Variants in ASIC2 observed in about 807,000 individuals in gnomAD.
The protein encoded by ASIC2 is acid sensing ion channel subunit 2.
Under a neutral mutation model 57.3 loss-of-function variants are expected in ASIC2, and 25 were observed. The observed-to-expected ratio is 0.44, with a 90% confidence interval of 0.32 to 0.61. The LOEUF (loss-of-function observed/expected upper bound fraction) is 0.61. Ranked by LOEUF, ASIC2 falls within the 20% of genes least tolerant of loss-of-function variation. ASIC2 has a pLI of 0.06. For synonymous variants in ASIC2, 319 were observed against 307.5 expected, an observed-to-expected ratio of 1.04 and a Z score of -0.39; for missense variants, 641 against 738.1, an observed-to-expected ratio of 0.87 and a Z score of 1.52.
chr17:33,603,359 A>G (rs1051175297), intron 1 of ASIC2, among the ~76,000 whole-genome samples: 2 of 152,216 alleles, frequency 1.3e-5, no homozygotes, highest in Non-Finnish European at 2.9e-5. Flanking sequence ...ACTGCTTGGA[A>G]GGAGCATGAT....
intron 1 of ASIC2, among the ~76,000 whole-genome samples, chr17:33,970,121 T>C (rs1905186257): frequency 6.6e-6 from 1 of 152,170 alleles, no homozygotes; most frequent in Non-Finnish European, 1.5e-5. Flanking sequence ...TTCTTTGTTG[T>C]AGGGAGCTGC....
intron 2 of ASIC2, among the ~76,000 whole-genome samples, chr17:33,102,818 C>G (rs1567745407): frequency 6.6e-6 from 1 of 152,204 alleles, no homozygotes; most frequent in Non-Finnish European, 1.5e-5. Flanking sequence ...GAGTCTCGCT[C>G]TGTCGCCCAG....
intron 1 of ASIC2, among the ~76,000 whole-genome samples, chr17:33,207,084 C>G (rs1907089156): frequency 6.6e-6 from 1 of 152,180 alleles, no homozygotes; most frequent in South Asian, 2.1e-4. Context: ...TTAAATGCAA[C>G]CAGGATTTAC....
intron 1 of ASIC2, among the ~76,000 whole-genome samples, chr17:33,682,057 C>T (rs1206270779): frequency 1.0e-5 from 1 of 99,372 alleles, no homozygotes; most frequent in Non-Finnish European, 1.9e-5. Context: ...GCATCAGTGA[C>T]ATCTTTTTTT....
chr17:33,924,574 C>T (rs1015365748), intron 1 of ASIC2, among the ~76,000 whole-genome samples: 4 of 152,202 alleles, frequency 2.6e-5, no homozygotes, highest in East Asian at 1.9e-4. Flanking sequence ...TCTATTTCCC[C>T]GTAGATATCT....
chr17:33,115,757 G>A (rs768572581), intron 1 of ASIC2, among the ~76,000 whole-genome samples: 2 of 152,192 alleles, frequency 1.3e-5, no homozygotes, highest in Non-Finnish European at 2.9e-5. Flanking sequence ...TAACTGGATG[G>A]TTATTTACAT....
At chr17:33,827,502 T>C (rs916445100) in intron 1 of ASIC2, among the ~76,000 whole-genome samples, 1 of 50,932 alleles carries the variant, frequency 2.0e-5, no homozygotes, top group South Asian at 3.2e-4. Flanking sequence ...TGGCTATTTT[T>C]TGTCTTTTTT....
chr17:33,523,850 C>T (rs1360674139), intron 1 of ASIC2, among the ~76,000 whole-genome samples: 2 of 152,200 alleles, frequency 1.3e-5, no homozygotes, highest in African/African-American at 4.8e-5. Flanking sequence ...AATCTCAGAA[C>T]AGCTGGGACG....
intron 1 of ASIC2, among the ~76,000 whole-genome samples, chr17:33,751,271 G>T (rs1910422721): frequency 6.6e-6 from 1 of 152,174 alleles, no homozygotes; most frequent in African/African-American, 2.4e-5. Flanking sequence ...ATACAGATCT[G>T]CAGCCGCCCT....
chr17:33,861,736 A>G (rs1914106865), intron 1 of ASIC2, among the ~76,000 whole-genome samples: 1 of 152,206 alleles, frequency 6.6e-6, no homozygotes, highest in Non-Finnish European at 1.5e-5. Context: ...TTTGCTTTCC[A>G]CTACTGCTTA....
At chr17:33,998,644 G>A (rs2142013946) in intron 1 of ASIC2, among the ~76,000 whole-genome samples, 1 of 152,210 alleles carries the variant, frequency 6.6e-6, no homozygotes, top group Non-Finnish European at 1.5e-5. Context: ...TATTAAGAAT[G>A]TGTTGTTTAA....
chr17:33,079,920 T>A (rs2092106196), intron 3 of ASIC2, among the ~76,000 whole-genome samples: 1 of 152,082 alleles, frequency 6.6e-6, no homozygotes, highest in African/African-American at 2.4e-5. Context: ...GAGTTTTGAA[T>A]CTAGGGGAGC....
At chr17:34,100,422 A>G (rs1910822078) in intron 1 of ASIC2, among the ~76,000 whole-genome samples, 1 of 152,136 alleles carries the variant, frequency 6.6e-6, no homozygotes, top group African/African-American at 2.4e-5. Context: ...TCTCCAAAGC[A>G]GTTGCTATTA....
intron 1 of ASIC2, among the ~76,000 whole-genome samples, chr17:33,879,413 A>C (rs988087083): frequency 6.6e-6 from 1 of 152,272 alleles, no homozygotes; most frequent in South Asian, 2.1e-4. Context: ...ATGGAGGAAG[A>C]TCTTCCAAAC....
chr17:33,441,024 A>T (rs949835571), intron 1 of ASIC2, among the ~76,000 whole-genome samples: 1 of 151,674 alleles, frequency 6.6e-6, no homozygotes, highest in Non-Finnish European at 1.5e-5. Context: ...ACTGGAATGG[A>T]GTGGTGTGAT....
intron 1 of ASIC2, among the ~76,000 whole-genome samples, chr17:33,603,311 C>A (rs1038725480): frequency 6.6e-6 from 1 of 152,182 alleles, no homozygotes; most frequent in Admixed American, 6.5e-5. Context: ...GGGGAGAGAG[C>A]CTGATTGGGA....
At chr17:33,340,315 A>G (rs983276146) in intron 1 of ASIC2, among the ~76,000 whole-genome samples, 1 of 152,156 alleles carries the variant, frequency 6.6e-6, no homozygotes, top group Non-Finnish European at 1.5e-5. Flanking sequence ...ATGAGAGACC[A>G]GTCTCTTAAG....
chr17:33,389,725 T>C (rs1909822693), intron 1 of ASIC2, among the ~76,000 whole-genome samples: 1 of 152,220 alleles, frequency 6.6e-6, no homozygotes, highest in South Asian at 2.1e-4. Flanking sequence ...ATATTCTGTC[T>C]GTCTTCATGC....
chr17:34,039,176 C>T, intron 1 of ASIC2: 2 of 1,613,932 alleles, frequency 1.2e-6, no homozygotes, highest in Non-Finnish European at 8.5e-7. Flanking sequence ...TCTATTCTTC[C>T]CTCCTTCTTC....
Sources: allele counts gnomAD v4.1 joint callset (sites outside exome capture counted in the v4.1 genomes callset), GRCh38; gene constraint gnomAD v4.1.1; transcripts MANE v1.5; gene names NCBI Gene and HGNC (gene_info 2026-07-23, HGNC 2026-07-21).